REC114: variants seen among roughly 807,000 people sequenced by gnomAD.
REC114 encodes REC114 meiotic recombination protein.
A neutral mutation model predicts 31.3 loss-of-function variants in REC114; 27 were observed. The observed-to-expected ratio is 0.86, with a 90% CI of 0.64 to 1.19. The LOEUF is 1.19. Ranked by LOEUF, REC114 falls within the 50% of genes most tolerant of loss-of-function variation. REC114 has a pLI of 0.00. For missense variants in REC114, 344 were observed against 326.9 expected, an observed-to-expected ratio of 1.05 and a Z score of -0.40; for synonymous variants, 134 against 127.7, an observed-to-expected ratio of 1.05 and a Z score of -0.33.
chr15:73,523,228 A>G (rs966153969), intron 2 of REC114, among the ~76,000 whole-genome samples: 3 of 152,188 alleles, frequency 2.0e-5, no homozygotes, highest in Non-Finnish European at 4.4e-5. Flanking sequence ...TAATTGAGCA[A>G]TGAATGATTC....
At chr15:73,473,621 T>C (rs1031052074) in intron 1 of REC114, among the ~76,000 whole-genome samples, 1 of 152,194 alleles carries the variant, frequency 6.6e-6, no homozygotes, top group Admixed American at 6.5e-5. Flanking sequence ...GGCTTTTAAT[T>C]TTATTTTTTA....
chr15:73,466,178 GT>G (rs1427431130), intron 1 of REC114, among the ~76,000 whole-genome samples: 2 of 152,122 alleles, frequency 1.3e-5, no homozygotes, highest in East Asian at 3.9e-4. Context: ...CTAGTTAACT[GT>G]TTGAACTTGG....
chr15:73,451,050 G>T (rs932210535), intron 1 of REC114, among the ~76,000 whole-genome samples: 1 of 152,022 alleles, frequency 6.6e-6, no homozygotes, highest in Non-Finnish European at 1.5e-5. Flanking sequence ...CCTAAGGTTG[G>T]CACCCTAACA....
rs762442165 is a variant in REC114, at chr15:73,540,509, A to T, written c.274A>T (p.Lys92Ter). The T allele has an allele frequency of 2.5e-6, 4 of 1,613,968 alleles. No homozygotes were observed. Among genetic ancestry groups the T allele is most frequent in the Admixed American group, 1.7e-5 (1 of 60,024 alleles). Reference sequence around the variant, plus strand: ...GGAAGGGTTTTCACTCATTGGTAGCAAGGACTGGTTGAAGATTGTAAGACG... The same window carrying T: ...GGAAGGGTTTTCACTCATTGGTAGCTAGGACTGGTTGAAGATTGTAAGACG... ...LLEGFSLIGS[K>*]DWLKIVRRVD... is the part of the protein sequence containing the mutation. The change falls in exon 3 of 6, where the codon AAG becomes TAG. Residue 92 changes from lysine (K) to a stop codon, truncating the protein, a stop_gained. Transcript: ENST00000331090. LOFTEE classifies it high-confidence loss of function.
chr15:73,550,907 C>G (rs1358960250), intron 3 of REC114, 31 bp from the exon 4 acceptor site: 1 of 1,601,974 alleles, frequency 6.2e-7, no homozygotes, highest in Non-Finnish European at 8.6e-7. Context: ...TGATGAGGGT[C>G]TCTCATGATA....
chr15:73,552,199 G>A (rs1324533534), intron 4 of REC114, among the ~76,000 whole-genome samples: 1 of 152,120 alleles, frequency 6.6e-6, no homozygotes, highest in African/African-American at 2.4e-5. Flanking sequence ...TTGAGTTTTG[G>A]TGTTGTATCA....
At chr15:73,549,856 C>G (rs1224317832) in intron 3 of REC114, among the ~76,000 whole-genome samples, 2 of 152,086 alleles carry the variant, frequency 1.3e-5, no homozygotes, top group African/African-American at 4.8e-5. Flanking sequence ...TCAGCCATGC[C>G]AAGAGTTTTC....
intron 3 of REC114, among the ~76,000 whole-genome samples, chr15:73,542,340 AAAAG>A (rs1482777150): frequency 1.2e-4 from 2 of 16,614 alleles, no homozygotes; most frequent in African/African-American, 1.7e-4. Context: ...CAAAAAAAAA[AAAAG>A]AAAAAAAAAA....
intron 2 of REC114, among the ~76,000 whole-genome samples, chr15:73,520,260 T>C (rs753259166): frequency 1.3e-5 from 2 of 152,048 alleles, no homozygotes; most frequent in African/African-American, 2.4e-5. Flanking sequence ...TGTTTTGAGA[T>C]GATCCCTGTA....
intron 2 of REC114, among the ~76,000 whole-genome samples, chr15:73,508,122 T>C (rs1334804010): frequency 6.6e-6 from 1 of 152,180 alleles, no homozygotes; most frequent in African/African-American, 2.4e-5. Flanking sequence ...ACAAGCTCTC[T>C]GAGGTCAGAG....
intron 3 of REC114, among the ~76,000 whole-genome samples, chr15:73,548,374 T>A (rs1207712266): frequency 2.0e-5 from 3 of 152,180 alleles, no homozygotes; most frequent in Non-Finnish European, 2.9e-5. Flanking sequence ...CCCAAAGAGC[T>A]GGGATTATAG....
intron 2 of REC114, among the ~76,000 whole-genome samples, chr15:73,538,274 T>C (rs910659757): frequency 3.3e-5 from 5 of 151,844 alleles, no homozygotes; most frequent in African/African-American, 1.2e-4. Flanking sequence ...AAAGACAGTA[T>C]AAAAAAAATG....
chr15:73,539,282 ATTTTTTTTT>A (rs753968018), intron 2 of REC114, among the ~76,000 whole-genome samples: 61 of 70,824 alleles, frequency 8.6e-4, no homozygotes, highest in African/African-American at 3.5e-3. Context: ...TTCAGAACTG[ATTTTTTTTT>A]TTTTTTTTTT....
intron 5 of REC114, among the ~76,000 whole-genome samples, chr15:73,557,201 CTGGGATTACAGGCG>C: frequency 1.3e-5 from 2 of 151,708 alleles, no homozygotes; most frequent in African/African-American, 4.8e-5. Context: ...TCCTGAGTAG[CTGGGATTACAGGCG>C]TGTGCCACCA....
chr15:73,443,584 A>G (rs1000068084), intron 1 of REC114, among the ~76,000 whole-genome samples: 9 of 152,360 alleles, frequency 5.9e-5, no homozygotes, highest in African/African-American at 1.4e-4. Context: ...GTAAACATTC[A>G]TATATTCAAT....
chr15:73,468,084 A>G (rs1212201753), intron 1 of REC114, among the ~76,000 whole-genome samples: 5 of 152,144 alleles, frequency 3.3e-5, no homozygotes, highest in African/African-American at 9.7e-5. Flanking sequence ...CTCCAGCTCA[A>G]GATATTTTAA....
chr15:73,478,097 C>T (rs1240035339), intron 2 of REC114, among the ~76,000 whole-genome samples: 2 of 151,704 alleles, frequency 1.3e-5, no homozygotes, highest in African/African-American at 4.8e-5. Context: ...AACCCCATCT[C>T]TACTAAAAAT....
At chr15:73,479,415 A>G (rs1893262490) in intron 2 of REC114, among the ~76,000 whole-genome samples, 1 of 151,966 alleles carries the variant, frequency 6.6e-6, no homozygotes, top group Non-Finnish European at 1.5e-5. Flanking sequence ...TCGTTACCTC[A>G]CAATTACCAT....
chr15:73,499,613 G>C (rs1893577155), intron 2 of REC114, among the ~76,000 whole-genome samples: 1 of 152,082 alleles, frequency 6.6e-6, no homozygotes, highest in South Asian at 2.1e-4. Context: ...ACTAATATCT[G>C]AATAATCATT....
Sources: gnomAD v4.1 joint callset for allele counts (sites outside exome capture counted in the v4.1 genomes callset) on GRCh38, gnomAD v4.1.1 for gene constraint, MANE v1.5 for transcripts, NCBI Gene and HGNC (gene_info 2026-07-23, HGNC 2026-07-21) for gene names.